SYCP1: variants seen among roughly 807,000 people sequenced by gnomAD.
SYCP1 encodes the protein synaptonemal complex protein 1, also known as cancer/testis antigen 8.
SYCP1 carries 64 observed loss-of-function variants against 153.1 expected under a neutral mutation model. The ratio of observed to expected loss-of-function variants is 0.42; its 90% CI spans 0.34 to 0.51. The LOEUF (loss-of-function observed/expected upper bound fraction) is 0.51. Ranked by LOEUF, SYCP1 falls within the 20% of genes least tolerant of loss-of-function variation. The pLI is 0.06. For missense variants in SYCP1, 997 were observed against 1,049.0 expected (o/e 0.95, Z 0.68); for synonymous variants, 384 against 341.8 (o/e 1.12, Z -1.36).
intron 20 of SYCP1, among the ~76,000 whole-genome samples, chr1:114,917,137 T>C (rs922177112): frequency 1.3e-5 from 2 of 152,104 alleles, no homozygotes; most frequent in Non-Finnish European, 2.9e-5. Flanking sequence ...CATTTCCTCC[T>C]ATCACCACTA....
At chr1:114,970,342 G>A (rs1223812047) in intron 27 of SYCP1, among the ~76,000 whole-genome samples, 1 of 151,126 alleles carries the variant, frequency 6.6e-6, no homozygotes, top group Non-Finnish European at 1.5e-5. Flanking sequence ...GTTTCTTTAA[G>A]TTTGTTTTCA....
upstream of SYCP1, among the ~76,000 whole-genome samples, chr1:114,854,144 T>A (rs1486554873): frequency 1.3e-5 from 2 of 150,740 alleles, no homozygotes; most frequent in Non-Finnish European, 3.0e-5. Context: ...CTCCTCTGTC[T>A]CCTCTCTCTC....
At chr1:114,963,059 C>A (rs1266861523) in intron 27 of SYCP1, among the ~76,000 whole-genome samples, 1 of 152,136 alleles carries the variant, frequency 6.6e-6, no homozygotes, top group Admixed American at 6.5e-5. Flanking sequence ...AATAGGTTTT[C>A]CTTTATAGGT....
intron 27 of SYCP1, among the ~76,000 whole-genome samples, chr1:114,963,342 T>A (rs1037195727): frequency 6.6e-6 from 1 of 152,208 alleles, no homozygotes; most frequent in African/African-American, 2.4e-5. Flanking sequence ...AATCCCAAGC[T>A]TCTTGGAGGC....
chr1:114,972,298 C>T (rs1317249171), intron 27 of SYCP1, among the ~76,000 whole-genome samples: 2 of 151,302 alleles, frequency 1.3e-5, no homozygotes, highest in Admixed American at 6.6e-5. Context: ...TATTTGAGGC[C>T]TCTCTCTTTT....
rs1053332389 is a variant in SYCP1 at position 114,863,563 on chromosome 1, G to A, written c.598+2754G>A. Among the ~76,000 whole-genome samples, 3 of 151,652 alleles carry A rather than the reference G, an allele frequency of 2.0e-5. No individual in the cohort carries two copies. The South Asian group carries it at 6.3e-4, about 32-fold the overall frequency. The stretch of plus-strand genomic sequence containing the variant: ...CAAGAGCCCGTCTCAAAAAAAAAAA[G>A]TTCCTATTTCTCCACAGCCTCACCA... On this transcript the variant is annotated intron_variant, in intron 8 of 31. Coordinates refer to ENST00000369522, the MANE Select transcript of SYCP1 (RefSeq NM_003176.4).
intron 23 of SYCP1, among the ~76,000 whole-genome samples, chr1:114,933,805 T>A (rs1669798704): frequency 6.6e-6 from 1 of 152,138 alleles, no homozygotes; most frequent in Non-Finnish European, 1.5e-5. Context: ...AGAAAGGGTA[T>A]CAGTGATTGA....
At chr1:114,911,200 G>A (rs558600774) in intron 17 of SYCP1, among the ~76,000 whole-genome samples, 1 of 151,874 alleles carries the variant, frequency 6.6e-6, no homozygotes, top group South Asian at 2.1e-4. Context: ...CATTTTAATA[G>A]AAATTAGTTA....
chr1:114,966,080 ATG>A (rs1479919288), intron 27 of SYCP1, among the ~76,000 whole-genome samples: 2 of 152,022 alleles, frequency 1.3e-5, no homozygotes, highest in African/African-American at 4.8e-5. Context: ...GGGAGGGTGT[ATG>A]TGTCCAGGAA....
At chr1:114,987,067 C>T (rs796970013) in intron 30 of SYCP1, among the ~76,000 whole-genome samples, 11 of 151,914 alleles carry the variant, frequency 7.2e-5, no homozygotes, top group African/African-American at 2.7e-4. Context: ...TTACATGAAG[C>T]ACATCTATCT....
intron 15 of SYCP1, 96 bp downstream of exon 15, chr1:114,887,789 C>A: frequency 1.3e-6 from 1 of 752,548 alleles, no homozygotes; most frequent in Non-Finnish European, 2.0e-6. Flanking sequence ...TCCCCTCTGT[C>A]ATTTGCCAGT....
intron 20 of SYCP1, among the ~76,000 whole-genome samples, chr1:114,916,855 C>T (rs912021674): frequency 1.3e-5 from 2 of 151,236 alleles, no homozygotes; most frequent in Non-Finnish European, 3.0e-5. Context: ...TTTTAATTTT[C>T]GATTTTTAAT....
intron 15 of SYCP1, among the ~76,000 whole-genome samples, chr1:114,894,960 A>C (rs1021065722): frequency 9.9e-5 from 15 of 152,130 alleles, no homozygotes; most frequent in African/African-American, 3.1e-4. Flanking sequence ...AGACGAGATA[A>C]GGGAAATTAA....
chr1:114,947,702 A>G (rs1305151735), intron 27 of SYCP1, among the ~76,000 whole-genome samples: 1 of 149,936 alleles, frequency 6.7e-6, no homozygotes, highest in African/African-American at 2.5e-5. Flanking sequence ...AGTCCCAGCT[A>G]CTCGGGAGGC....
At chr1:114,973,317 G>T (rs943422114) in intron 27 of SYCP1, among the ~76,000 whole-genome samples, 1 of 151,886 alleles carries the variant, frequency 6.6e-6, no homozygotes, top group Admixed American at 6.6e-5. Context: ...AATTCTTTAT[G>T]GTTGTGGTTG....
At chr1:114,936,884 C>T (rs1197199265) in intron 23 of SYCP1, among the ~76,000 whole-genome samples, 2 of 152,012 alleles carry the variant, frequency 1.3e-5, no homozygotes, top group Non-Finnish European at 2.9e-5. Context: ...CACTGCTCAA[C>T]AAAATAAAAG....
chr1:114,921,400 C>T (rs1668861478), intron 20 of SYCP1, among the ~76,000 whole-genome samples: 1 of 151,702 alleles, frequency 6.6e-6, no homozygotes, highest in African/African-American at 2.4e-5. Flanking sequence ...GATACGAGGC[C>T]AGGTACGGTG....
intron 8 of SYCP1, 122 bp from the exon 9 acceptor site, chr1:114,874,384 C>A: frequency 1.7e-6 from 1 of 589,058 alleles, no homozygotes; most frequent in Non-Finnish European, 2.9e-6. Flanking sequence ...ATTTAGATAA[C>A]CCAATGTTCA....
At chr1:114,921,086 G>T (rs1668839943) in intron 20 of SYCP1, among the ~76,000 whole-genome samples, 3 of 151,724 alleles carry the variant, frequency 2.0e-5, no homozygotes, top group South Asian at 4.2e-4. Context: ...TTTAGTGAAG[G>T]CAATTTTCTT....
Sources: gnomAD v4.1 joint callset for allele counts (sites outside exome capture counted in the v4.1 genomes callset) on GRCh38, gnomAD v4.1.1 for gene constraint, MANE v1.5 for transcripts, NCBI Gene and HGNC (gene_info 2026-07-23, HGNC 2026-07-21) for gene names.